Variants in CHRNA2 observed in about 807,000 individuals in gnomAD.
The protein encoded by CHRNA2 is cholinergic receptor nicotinic alpha 2 subunit, also known as neuronal acetylcholine receptor subunit alpha-2.
In CHRNA2, 40 loss-of-function variants were observed where a neutral mutation model predicts 45.5. The ratio of observed to expected loss-of-function variants is 0.88; its 90% CI spans 0.68 to 1.15. CHRNA2 has a LOEUF of 1.15. Ranked by LOEUF, CHRNA2 falls within the 50% of genes most tolerant of loss-of-function variation. The pLI is 0.00. For synonymous variants in CHRNA2, 301 were observed against 296.7 expected (o/e 1.01, Z -0.15); for missense variants, 655 against 701.7 (o/e 0.93, Z 0.75).
At chr8:27,471,593 T>C (rs1374160992) in intron 1 of CHRNA2, among the ~76,000 whole-genome samples, 1 of 152,210 alleles carries the variant, frequency 6.6e-6, no homozygotes, top group Non-Finnish European at 1.5e-5. Flanking sequence ...CATCAGCTGA[T>C]GAATGGATGG....
At chr8:27,467,096 G>A in intron 5 of CHRNA2, 133 bp downstream of exon 5, 1 of 703,040 alleles carries the variant, frequency 1.4e-6, no homozygotes, top group Admixed American at 2.1e-5. Context: ...GAGAGGTAGG[G>A]GAGGCATGCT....
chr8:27,463,021 G>A lies in CHRNA2; in HGVS notation c.1422C>T (p.His474=). 1 of 1,614,128 alleles carries A rather than the reference G, an allele frequency of 6.2e-7. No individual in the cohort carries two copies. The highest frequency in any genetic ancestry group is 1.3e-5 in the African/African-American group (1 of 75,082). ...CAGACCGCAGGTGGTCGGCAATGTA[G>A]TGCACACCTTCCAGTGCCTTCTGCA... is the stretch of plus-strand genomic sequence containing the variant. ...PHMQKALEGV[H]YIADHLRSED... The change falls in exon 6 of 7, where the codon CAC becomes CAT. Residue 474 remains histidine, a synonymous_variant. Transcript: ENST00000407991. This position sits in a 1 kb window ranked among gnomAD's most constrained non-coding sequence, Gnocchi z 6.1.
At position 27,461,799 on chromosome 8, in the gene CHRNA2, A is replaced by T. The variant is rs202078247; in HGVS notation, c.1465-45T>A. 1,569 of 1,613,384 alleles carry T rather than the reference A, an allele frequency of 9.7e-4. 2 individuals carry two copies. Among genetic ancestry groups the T allele is most frequent in the Non-Finnish European group, 1.2e-3 (1,466 of 1,179,646 alleles). ...CAGTGACAGGGGCCAGGCCTGGGAAAGGGATGTGTTCCCCCCATTCACAGC... is the reference window on the plus strand; with the variant it reads ...CAGTGACAGGGGCCAGGCCTGGGAATGGGATGTGTTCCCCCCATTCACAGC... On this transcript the variant is annotated intron_variant, in intron 6 of 6. Coordinates refer to ENST00000407991, the MANE Select transcript of CHRNA2 (RefSeq NM_000742.4).
rs1459210287 is a variant in CHRNA2 at position 27,469,320 on chromosome 8, G to A, written c.339+15C>T. ...CCGGTACCCGCCACCTGGACTGGAG[G>A]AGGGGGGCCCTCACCTGTTTTAGCC... On this transcript the variant is annotated intron_variant, in intron 4 of 6. Transcript: ENST00000407991. 6.6e-7 allele frequency: 1 copy of A among 1,515,176 alleles called. No individual in the cohort carries two copies. The allele number at this position is 1,515,176 out of a possible 1,614,324, so 93.9% of individuals were successfully genotyped here.
In CHRNA2 at chr8:27,463,443, A is replaced by G. The variant is rs1812582220; in HGVS notation, c.1000T>C (p.Phe334Leu). Reference protein sequence around the residue: ...VIPLIGEYLLFTMIFVTLSIV... With the variant: ...VIPLIGEYLLLTMIFVTLSIV... ...GACAGGGTGACGAAGATCATGGTGA[A>G]CAGCAGGTACTCGCCGATGAGCGGG... Residue 334 changes from phenylalanine to leucine, a missense_variant, in exon 6 of 7, where the codon TTC (phenylalanine) becomes CTC (leucine). Phe to Leu is a conservative substitution (Grantham distance 22, BLOSUM62 0). This residue lies in a region of CHRNA2 where 295 missense variants were observed against 280.4 expected (regional missense o/e 1.05). Coordinates refer to ENST00000407991, the MANE Select transcript of CHRNA2 (RefSeq NM_000742.4). The surrounding 1 kb of genome is among the most constrained non-coding windows in gnomAD (Gnocchi z 6.1). 6.2e-7 allele frequency: 1 copy of G among 1,614,176 alleles called. No homozygotes were observed. Among genetic ancestry groups the G allele is most frequent in the South Asian group, 1.1e-5 (1 of 91,078 alleles).
intron 4 of CHRNA2, 53 bp downstream of exon 4, chr8:27,469,282 G>C (rs756788513): frequency 3.3e-6 from 5 of 1,516,542 alleles, no homozygotes; most frequent in Admixed American, 2.0e-5. Flanking sequence ...AGGGGTCTGG[G>C]GTCCATGGAT....
Position 27,469,904 on chromosome 8 carries a change from G to T in CHRNA2, c.151C>A (p.Gln51Lys). 6.2e-7 allele frequency: 1 copy of T among 1,614,174 alleles called. No homozygotes were observed. The highest frequency in any genetic ancestry group is 8.5e-7 in the Non-Finnish European group (1 of 1,180,042). Reference protein sequence around the residue: ...LSSPSPTALPQGGSHTETEDR... With the variant: ...LSSPSPTALPKGGSHTETEDR... ...TCAGTCTCGGTATGCGAGCCTCCCTGCGGCAATGCCGTGGGACTGGGAGAG... is the reference window on the plus strand; with the variant it reads ...TCAGTCTCGGTATGCGAGCCTCCCTTCGGCAATGCCGTGGGACTGGGAGAG... The change falls in exon 3 of 7, where the codon CAG becomes AAG. Residue 51 changes from glutamine to lysine, a missense_variant. Gln to Lys is a moderately conservative substitution (Grantham distance 53). This residue lies in a region of CHRNA2 where 323 missense variants were observed against 354.4 expected (regional missense o/e 0.91). Transcript: ENST00000407991.
rs1292482314 is a variant in CHRNA2 at position 27,470,997 on chromosome 8, A to G, written c.62T>C (p.Leu21Pro). Reference protein sequence around the residue: ...FTKLSLWWLLLTPAGGEEAKR... With the variant: ...FTKLSLWWLLPTPAGGEEAKR... The stretch of plus-strand genomic sequence containing the variant: ...TGACAAACACTCACCTGCTGGGGTC[A>G]GAAGGAGCCACCACAGGCTGAGCTT... Residue 21 changes from leucine to proline, a missense_variant, in exon 2 of 7, where the codon CTG becomes CCG. Transcript: ENST00000407991. 6.2e-7 allele frequency: 1 copy of G among 1,614,152 alleles called. No individual in the cohort carries two copies. The highest frequency in any genetic ancestry group is 1.7e-5 in the Admixed American group (1 of 60,034).
intron 4 of CHRNA2, among the ~76,000 whole-genome samples, chr8:27,468,379 C>G (rs937226199): frequency 6.6e-6 from 1 of 152,210 alleles, no homozygotes; most frequent in Non-Finnish European, 1.5e-5. Context: ...TGAGTGACCC[C>G]CTGATAGCTC....
chr8:27,467,208 A>G lies in CHRNA2; in HGVS notation c.449+21T>C, dbSNP rs767749199. The G allele has an allele frequency of 6.3e-6, 10 of 1,596,444 alleles. No individual in the cohort carries two copies. In the East Asian group the frequency reaches 2.0e-4, roughly 32 times the overall value. On this transcript the variant is annotated intron_variant, in intron 5 of 6. Transcript: ENST00000407991. The stretch of plus-strand genomic sequence containing the variant: ...CAAGTTGGCCTCCCCTCATCCCCCC[A>G]GGACCCCAATGGCTTCCTACTTGTT...
intron 6 of CHRNA2, 83 bp downstream of exon 6, chr8:27,462,896 C>A (rs1378588742): frequency 1.3e-6 from 2 of 1,579,438 alleles, no homozygotes; most frequent in African/African-American, 2.7e-5. Flanking sequence ...CTGGGCTGCC[C>A]AAGCTCACAC....
intron 1 of CHRNA2, chr8:27,475,199 C>T (rs1178416296): frequency 6.6e-6 from 1 of 152,240 alleles, no homozygotes; most frequent in East Asian, 1.9e-4. Context: ...CATCTCACAG[C>T]AGCAGGAGCT....
chr8:27,466,882 G>C (rs1337653847), intron 5 of CHRNA2, among the ~76,000 whole-genome samples: 2 of 152,188 alleles, frequency 1.3e-5, no homozygotes, highest in Non-Finnish European at 2.9e-5. Context: ...CTGCCTGCCT[G>C]TCTGAACAAC....
chr8:27,461,010 C>G lies in CHRNA2; in HGVS notation c.*619G>C, dbSNP rs909328944. On this transcript the variant is annotated 3_prime_UTR_variant, in exon 7 of 7. Transcript: ENST00000407991. ...CCACATCAGGTGCAGGCCCTGCCTC[C>G]CGCTTCCTCCCCTTCCAGAAGAGCC... 1 of 155,464 alleles carries G rather than the reference C, an allele frequency of 6.4e-6. No individual in the cohort carries two copies. The highest frequency in any genetic ancestry group is 2.4e-5 in the African/African-American group (1 of 41,436). 9.6% of individuals were successfully genotyped at this position (155,464 alleles called of 1,614,324 possible).
chr8:27,470,385 C>G (rs996832931), intron 2 of CHRNA2, among the ~76,000 whole-genome samples: 1 of 152,178 alleles, frequency 6.6e-6, no homozygotes, highest in Non-Finnish European at 1.5e-5. Context: ...AGCAGTCTCC[C>G]GTTCCCACCC....
intron 5 of CHRNA2, among the ~76,000 whole-genome samples, chr8:27,466,828 G>A (rs1262330913): frequency 6.6e-6 from 1 of 152,186 alleles, no homozygotes; most frequent in African/African-American, 2.4e-5. Flanking sequence ...AAAGGAAACT[G>A]CATACCAAGT....
rs1320480004 is a variant in CHRNA2 at position 27,469,354 on chromosome 8, G to C, written c.320C>G (p.Thr107Ser). 1.9e-6 allele frequency: 3 copies of C among 1,557,160 alleles called. 1 individual carries two copies. Among genetic ancestry groups the C allele is most frequent in the South Asian group, 2.4e-5 (2 of 84,508 alleles). ...CCTCACCTGTTTTAGCCAGACGTTG[G>C]TGGTCATCATTTGGTTCTTCTCATC... The part of the protein sequence containing the change: ...DVDEKNQMMT[T>S]NVWLKQEWSD... Residue 107 changes from threonine to serine, a missense_variant, in exon 4 of 7, where the codon ACC becomes AGC. Transcript: ENST00000407991.
At chr8:27,469,499 G>A (rs530277867) in intron 3 of CHRNA2, 120 bp from the exon 4 acceptor site, 107 of 1,105,084 alleles carry the variant, frequency 9.7e-5, no homozygotes, top group East Asian at 4.9e-4. Flanking sequence ...CAGCCCGCCC[G>A]CCACCCACTC....
rs368584036 is a variant in CHRNA2, at chr8:27,467,220, G to A, written c.449+9C>T. ...CCCTCATCCCCCCAGGACCCCAATGGCTTCCTACTTGTTGTAGAGAACAAT... is the reference window on the plus strand; with the variant it reads ...CCCTCATCCCCCCAGGACCCCAATGACTTCCTACTTGTTGTAGAGAACAAT... On this transcript the variant is annotated intron_variant, in intron 5 of 6. Coordinates refer to ENST00000407991, the MANE Select transcript of CHRNA2 (RefSeq NM_000742.4). 6.2e-7 allele frequency: 1 copy of A among 1,607,450 alleles called. No homozygotes were observed. The highest frequency in any genetic ancestry group is 8.5e-7 in the Non-Finnish European group (1 of 1,174,142).
Sources: allele counts gnomAD v4.1 joint callset (sites outside exome capture counted in the v4.1 genomes callset), GRCh38; gene constraint gnomAD v4.1.1; regional missense constraint gnomAD v4.1.1; non-coding constraint Gnocchi (gnomAD v3.1); transcripts MANE v1.5; gene names NCBI Gene and HGNC (gene_info 2026-07-23, HGNC 2026-07-21).